The following EFHB variants were observed in gnomAD, a reference collection of about 807,000 sequenced individuals.
EFHB encodes EF-hand domain-containing family member B.
Under a neutral mutation model 87.2 loss-of-function variants are expected in EFHB, and 91 were observed. The observed-to-expected ratio is 1.04, with a 90% CI of 0.88 to 1.24. EFHB has a LOEUF of 1.24. Ranked by LOEUF, EFHB falls within the 50% of genes most tolerant of loss-of-function variation. The pLI is 0.00. For synonymous variants in EFHB, 325 were observed against 333.6 expected (o/e 0.97, Z 0.28); for missense variants, 1,084 against 998.8 (o/e 1.09, Z -1.15).
rs564789551 is a variant in EFHB, at chr3:19,939,470, C to T, written c.-31-3136G>A. On this transcript the variant is annotated intron_variant, in intron 1 of 14. Transcript: ENST00000344838. ...CGCGATCTTGGCTCACTGCAAGCTC[C>T]GCCTCCCGGGTTCACGCCATTCTCC... Among the ~76,000 whole-genome samples, 176 of 145,548 alleles carry T rather than the reference C, an allele frequency of 1.2e-3. 3 individuals carry two copies. The South Asian group carries it at 0.022, about 18-fold the overall frequency.
intron 10 of EFHB, among the ~76,000 whole-genome samples, chr3:19,886,381 G>A (rs1351244928): frequency 6.6e-6 from 1 of 152,110 alleles, no homozygotes; most frequent in Non-Finnish European, 1.5e-5. Context: ...TTAGAAGAGA[G>A]ACATCCCGAG....
At chr3:19,934,353 T>C, upstream of EFHB, 2 of 885,654 alleles carry the variant, frequency 2.3e-6, no homozygotes, top group Non-Finnish European at 2.9e-6. Flanking sequence ...CTCCTCTGTC[T>C]CTCTCTCTCC....
intron 1 of EFHB, among the ~76,000 whole-genome samples, chr3:19,923,112 T>A (rs1575038465): frequency 1.3e-5 from 2 of 151,734 alleles, no homozygotes; most frequent in African/African-American, 4.8e-5. Context: ...CAAAAAAATA[T>A]AAAAATTAGC....
chr3:19,937,166 C>CAA (rs35661481), upstream of EFHB, among the ~76,000 whole-genome samples: 5 of 149,776 alleles, frequency 3.3e-5, no homozygotes, highest in South Asian at 4.2e-4. Flanking sequence ...AAGACTGTCT[C>CAA]AAAAAAAAAC....
At chr3:19,907,702 G>T (rs1694885694) in intron 5 of EFHB, among the ~76,000 whole-genome samples, 1 of 152,146 alleles carries the variant, frequency 6.6e-6, no homozygotes, top group Non-Finnish European at 1.5e-5. Flanking sequence ...AAGTCTTGAT[G>T]TGGTATTAGT....
At chr3:19,916,310 T>A (rs191991920) in intron 4 of EFHB, among the ~76,000 whole-genome samples, 4 of 151,026 alleles carry the variant, frequency 2.6e-5, no homozygotes, top group Admixed American at 2.6e-4. Context: ...GGGTCGGGAG[T>A]TCAAGACCAG....
intron 9 of EFHB, among the ~76,000 whole-genome samples, chr3:19,896,267 G>A (rs1171564314): frequency 6.6e-6 from 1 of 152,106 alleles, no homozygotes; most frequent in African/African-American, 2.4e-5. Context: ...AAAAATTGCT[G>A]GGTCCCACCC....
chr3:19,915,292 A>C lies in EFHB; in HGVS notation c.1288+11T>G. ...TATCCTCAGGCCCATTTTGCATCGGAGGACACTTACCTGCATAATAATCAT... is the reference window on the plus strand; with the variant it reads ...TATCCTCAGGCCCATTTTGCATCGGCGGACACTTACCTGCATAATAATCAT... On this transcript the variant is annotated intron_variant, in intron 5 of 12. Transcript: ENST00000295824. The C allele has an allele frequency of 6.3e-7, 1 of 1,588,974 alleles. No homozygotes were observed. The highest frequency in any genetic ancestry group is 8.6e-7 in the Non-Finnish European group (1 of 1,159,860).
At position 19,882,536 on chromosome 3, in the gene EFHB, C is replaced by T. The variant is rs1402097719; in HGVS notation, c.2328+14G>A. On this transcript the variant is annotated intron_variant, in intron 12 of 12. Transcript: ENST00000295824. ...GAGAAAACATTTCCATTTTTGTATG[C>T]TTATATGCTATACCTCTTCTTTTGA... 4 of 1,546,106 alleles carry T rather than the reference C, an allele frequency of 2.6e-6. No homozygotes were observed. Among genetic ancestry groups the T allele is most frequent in the Non-Finnish European group, 3.5e-6 (4 of 1,140,778 alleles).
intron 6 of EFHB, among the ~76,000 whole-genome samples, chr3:19,902,574 G>A (rs1004111008): frequency 2.0e-5 from 3 of 151,784 alleles, no homozygotes; most frequent in Admixed American, 6.6e-5. Context: ...GGCTGGTCTC[G>A]AACTCCTGAC....
chr3:19,923,684 T>C (rs1695516715), intron 1 of EFHB, among the ~76,000 whole-genome samples: 1 of 152,080 alleles, frequency 6.6e-6, no homozygotes, highest in South Asian at 2.1e-4. Flanking sequence ...CTGCCTAATG[T>C]TTTAATATGA....
intron 9 of EFHB, chr3:19,894,861 G>GTAATCCCAGC (rs1465774345): frequency 6.6e-6 from 1 of 151,898 alleles, no homozygotes; most frequent in Non-Finnish European, 1.5e-5. Context: ...GCAGGTGCCT[G>GTAATCCCAGC]TAATCCCAGC....
chr3:19,940,943 G>A, intron 1 of EFHB: 1 of 331,330 alleles, frequency 3.0e-6, no homozygotes, highest in Admixed American at 3.5e-5. Context: ...TGCTTAATGA[G>A]AACAGTCATG....
intron 5 of EFHB, among the ~76,000 whole-genome samples, chr3:19,908,080 G>A (rs966487947): frequency 6.6e-6 from 1 of 152,118 alleles, no homozygotes; most frequent in African/African-American, 2.4e-5. Flanking sequence ...TCAACAATAT[G>A]TTTTTGTAAT....
At position 19,933,647 on chromosome 3, in the gene EFHB, C is replaced by T. The variant is rs17180771; in HGVS notation, c.372G>A (p.Arg124=). The change falls in exon 1 of 13, where the codon CGG becomes CGA. Residue 124 remains arginine (R), a synonymous_variant. Transcript: ENST00000295824. The part of the protein sequence containing the change: ...ESLLAGYTHE[R]IIQPPLGRVC... ...CCCTGCCCAAAGGAGGCTGTATTATCCGTTCATGGGTATATCCTGCAAGAA... is the reference window on the plus strand; with the variant it reads ...CCCTGCCCAAAGGAGGCTGTATTATTCGTTCATGGGTATATCCTGCAAGAA... The T allele has an allele frequency of 0.22, 362,930 of 1,613,826 alleles. 44,781 individuals are homozygous for T. The highest frequency in any genetic ancestry group is 0.26 in the Non-Finnish European group (302,317 of 1,179,832).
chr3:19,907,389 A>G (rs377537541), intron 5 of EFHB, among the ~76,000 whole-genome samples: 1 of 152,338 alleles, frequency 6.6e-6, no homozygotes, highest in African/African-American at 2.4e-5. Context: ...AGGACATTGT[A>G]TGGGAAAAAG....
At chr3:19,934,515 C>A (rs1348396745), upstream of EFHB, among the ~76,000 whole-genome samples, 1 of 151,766 alleles carries the variant, frequency 6.6e-6, no homozygotes, top group Non-Finnish European at 1.5e-5. Flanking sequence ...CTCCCTCCCC[C>A]TCTTCCCCTC....
At chr3:19,902,757 T>C (rs116765115) in intron 6 of EFHB, among the ~76,000 whole-genome samples, 1,656 of 152,336 alleles carry the variant, frequency 0.011, 22 homozygotes, top group African/African-American at 0.038. Flanking sequence ...AAATGTAGAC[T>C]AACACTCTTG....
intron 1 of EFHB, among the ~76,000 whole-genome samples, chr3:19,944,493 A>T (rs1288982433): frequency 6.6e-6 from 1 of 152,204 alleles, no homozygotes; most frequent in Admixed American, 6.5e-5. Context: ...GGGGCTATGA[A>T]AAAGAAAACA....
Sources: gnomAD v4.1 joint callset for allele counts (sites outside exome capture counted in the v4.1 genomes callset) on GRCh38, gnomAD v4.1.1 for gene constraint, MANE v1.5 for transcripts, NCBI Gene and HGNC (gene_info 2026-07-23, HGNC 2026-07-21) for gene names.